Variants in SCRIB observed in about 807,000 individuals in gnomAD.
SCRIB encodes the protein scribble planar cell polarity protein, also known as protein scribble homolog.
SCRIB carries 72 observed loss-of-function variants against 170.0 expected under a neutral mutation model. That is an observed-to-expected ratio of 0.42 (90% confidence interval 0.35 to 0.52). The LOEUF is 0.52. Ranked by LOEUF, SCRIB falls within the 20% of genes least tolerant of loss-of-function variation. SCRIB has a pLI of 0.02. For missense variants in SCRIB, 2,475 were observed against 2,338.5 expected, an observed-to-expected ratio of 1.06 and a Z score of -1.20; for synonymous variants, 1,298 against 1,044.3, an observed-to-expected ratio of 1.24 and a Z score of -4.68.
In SCRIB at chr8:143,805,454, G is replaced by A. The variant is rs568328667; in HGVS notation, c.2347-19C>T. The A allele has an allele frequency of 2.9e-5, 42 of 1,464,476 alleles. No homozygotes were observed. The highest frequency in any genetic ancestry group is 1.8e-4 in the Middle Eastern group (1 of 5,656). 90.7% of individuals were successfully genotyped at this position (1,464,476 alleles called of 1,614,324 possible). On this transcript the variant is annotated intron_variant, in intron 18 of 36. Transcript: ENST00000356994. ...CATTCACCTGCGGGCCAGGGACCAC[G>A]TGCGTATTCAGGACCCAGTGCCGCC...
intron 13 of SCRIB, 109 bp from the exon 14 acceptor site, chr8:143,809,827 C>A: frequency 7.8e-7 from 1 of 1,288,716 alleles, no homozygotes; most frequent in Non-Finnish European, 1.1e-6. Context: ...GCTGCCCCGA[C>A]CAGGCACCGT....
rs782621726 is a variant in SCRIB, at chr8:143,792,052, GGGCCCCCGCGTGCCCC to G, written c.4580_4595del (p.Arg1527ProfsTer67). Reference sequence around the variant, plus strand: ...AAGGGGCCTCGGCCAGTCGCTCCAGGGGCCCCCGCGTGCCCCGGCCTTCCTGGGACCTGCTGAGGAC... The same window carrying G: ...AAGGGGCCTCGGCCAGTCGCTCCAGGGGCCTTCCTGGGACCTGCTGAGGAC... On this transcript the variant is annotated frameshift_variant, in exon 33 of 37. Coordinates refer to ENST00000356994, the MANE Select transcript of SCRIB (RefSeq NM_182706.5). LOFTEE classifies it high-confidence loss of function. 1 of 1,586,232 alleles carries G rather than the reference GGGCCCCCGCGTGCCCC, an allele frequency of 6.3e-7. No individual in the cohort carries two copies. The highest frequency in any genetic ancestry group is 8.5e-7 in the Non-Finnish European group (1 of 1,171,090).
Position 143,803,736 on chromosome 8 carries a change from C to G in SCRIB, c.3325G>C (p.Glu1109Gln). Residue 1109 changes from glutamate to glutamine, a missense_variant, in exon 23 of 37, where the codon GAG (glutamate) becomes CAG (glutamine). Transcript: ENST00000356994. ...RELCIQKAPG[E>Q]RLGISIRGGA... is the part of the protein sequence containing the mutation. ...CCGCGGATGCTGATGCCCAGCCTCTCCCCAGGTGCCTTCTGGATGCACAGT... is the reference window on the plus strand; with the variant it reads ...CCGCGGATGCTGATGCCCAGCCTCTGCCCAGGTGCCTTCTGGATGCACAGT... 1.9e-6 allele frequency: 3 copies of G among 1,598,382 alleles called. No homozygotes were observed. The highest frequency in any genetic ancestry group is 1.7e-6 in the Non-Finnish European group (2 of 1,178,158).
intron 24 of SCRIB, among the ~76,000 whole-genome samples, chr8:143,801,504 T>C (rs1815169502): frequency 6.6e-6 from 1 of 152,250 alleles, no homozygotes; most frequent in Admixed American, 6.5e-5. Flanking sequence ...GAAGACTTAA[T>C]TTAAAAATTT....
Position 143,791,468 on chromosome 8 carries a change from C to T in SCRIB, c.4771-28G>A, listed in dbSNP as rs371196827. 5.0e-5 allele frequency: 80 copies of T among 1,606,036 alleles called. No homozygotes were observed. In the African/African-American group the frequency reaches 6.3e-4, roughly 13 times the overall value. ...GTGATGGGGAGAGTGTTGGTCAGGCCGGTGCCAGCCCTGCCCCAAACCACC... is the reference window on the plus strand; with the variant it reads ...GTGATGGGGAGAGTGTTGGTCAGGCTGGTGCCAGCCCTGCCCCAAACCACC... On this transcript the variant is annotated intron_variant, in intron 35 of 36. Coordinates refer to ENST00000356994, the MANE Select transcript of SCRIB (RefSeq NM_182706.5).
chr8:143,807,488 G>T, intron 16 of SCRIB, 64 bp downstream of exon 16: 3 of 1,333,836 alleles, frequency 2.2e-6, no homozygotes, highest in Non-Finnish European at 2.2e-6. Context: ...AGAGGCGTGA[G>T]CCCACAGCCC....
rs766839903 is a variant in SCRIB at position 143,810,463 on chromosome 8, G to A, written c.1530+16C>T. The A allele has an allele frequency of 1.1e-5, 18 of 1,602,916 alleles. No homozygotes were observed. The highest frequency in any genetic ancestry group is 8.8e-5 in the South Asian group (8 of 90,936). ...CGGGTCAGCGGCCCGCCAGGTTGCC[G>A]TGGCTCCATGCCCACCTCCTCTGCA... On this transcript the variant is annotated intron_variant, in intron 13 of 36. Coordinates refer to ENST00000356994, the MANE Select transcript of SCRIB (RefSeq NM_182706.5).
rs1199671260 is a variant in SCRIB at position 143,804,559 on chromosome 8, G to T, written c.3009+9C>A. On this transcript the variant is annotated intron_variant, in intron 21 of 36. Transcript: ENST00000356994. ...TGGGTGGGTGCCTGGGTGGGGGCTT[G>T]TGTCTCACCTCCACTGGGTATGGCC... 2 of 1,493,104 alleles carry T rather than the reference G, an allele frequency of 1.3e-6. No homozygotes were observed. The highest frequency in any genetic ancestry group is 2.8e-5 in the African/African-American group (2 of 71,458). The allele number at this position is 1,493,104 out of a possible 1,614,324, so 92.5% of individuals were successfully genotyped here. A position where few individuals can be genotyped will look rare whatever the true frequency, so the allele number is the denominator to read the frequency against.
Position 143,813,340 on chromosome 8 carries a change from C to G in SCRIB, c.538G>C (p.Asp180His). 1 of 1,613,628 alleles carries G rather than the reference C, an allele frequency of 6.2e-7. No individual in the cohort carries two copies. Among genetic ancestry groups the G allele is most frequent in the Non-Finnish European group, 8.5e-7 (1 of 1,180,032 alleles). ...LSFLVKLEQL[D>H]LGGNDLEVLP... is the part of the protein sequence containing the mutation. ...ACTTCCAGATCGTTGCCTCCCAGAT[C>G]CAGCTGTTCCAGCTTGACCAGAAAT... Residue 180 changes from aspartate to histidine, a missense_variant, in exon 6 of 37, where the codon GAT (aspartate) becomes CAT (histidine). Asp to His is a moderately conservative substitution (Grantham distance 81). This residue lies in a region of SCRIB where 487 missense variants were observed against 558.1 expected (regional missense o/e 0.87). Coordinates refer to ENST00000356994, the MANE Select transcript of SCRIB (RefSeq NM_182706.5).
rs1815851775 is a variant in SCRIB, at chr8:143,813,457, C to G, written c.503+13G>C. The G allele has an allele frequency of 6.2e-7, 1 of 1,613,172 alleles. No individual in the cohort carries two copies. The highest frequency in any genetic ancestry group is 1.1e-5 in the South Asian group (1 of 91,090). ...CCTGCCCTGGCTGTTAGGAGAATGC[C>G]TGTCACACTCACGCTGGCAGGGACT... On this transcript the variant is annotated intron_variant, in intron 5 of 36. Transcript: ENST00000356994.
chr8:143,809,136 CAA>C (rs911726590), intron 14 of SCRIB, 111 bp from the exon 15 acceptor site: 10 of 1,396,324 alleles, frequency 7.2e-6, no homozygotes, highest in African/African-American at 1.4e-5. Context: ...CCCCGCCACA[CAA>C]AGACTCAGCA....
At chr8:143,810,850 C>T (rs372039343) in intron 11 of SCRIB, 34 bp from the exon 12 acceptor site, 1,220 of 1,606,088 alleles carry the variant, frequency 7.6e-4, no homozygotes, top group Non-Finnish European at 9.7e-4. Flanking sequence ...CCAGGCTAGT[C>T]CCCAAACCCT....
rs1815273094 is a variant in SCRIB at position 143,803,659 on chromosome 8, G to A, written c.3402C>T (p.Ile1134=). 5 of 1,559,426 alleles carry A rather than the reference G, an allele frequency of 3.2e-6. No homozygotes were observed. The highest frequency in any genetic ancestry group is 4.3e-6 in the Non-Finnish European group (5 of 1,157,986). ...GNPRDPTDEG[I]FISKVSPTGA... ...GGGGGGGGCTCACCTTGGAGATGAA[G>A]ATGCCCTCGTCTGTGGGGTCGCGGG... The change falls in exon 23 of 37, where the codon ATC becomes ATT. Residue 1134 remains isoleucine (I), a synonymous_variant. Transcript: ENST00000356994.
In SCRIB at chr8:143,805,319, G is replaced by A. The variant is rs782348490; in HGVS notation, c.2463C>T (p.Asn821=). 7.1e-6 allele frequency: 11 copies of A among 1,545,094 alleles called. No homozygotes were observed. The Admixed American group carries it at 7.6e-5, about 11-fold the overall frequency. Residue 821 remains asparagine (N), a synonymous_variant, in exon 19 of 37, where the codon AAC becomes AAT. Transcript: ENST00000356994. ...GCCGCAGCGGCGTGATGGTGACCGC[G>A]TTCTCAGGCTCCACCATGCGCTCCC... The part of the protein sequence containing the change: ...VWRERMVEPE[N]AVTITPLRPE...
chr8:143,808,195 G>T (rs572421756), intron 15 of SCRIB, among the ~76,000 whole-genome samples: 1 of 152,244 alleles, frequency 6.6e-6, no homozygotes, highest in Non-Finnish European at 1.5e-5. Flanking sequence ...AGGCCCTGGA[G>T]ACCCACAAAG....
rs1401447201 is a variant in SCRIB at position 143,813,850 on chromosome 8, C to T, written c.324G>A (p.Glu108=). Residue 108 remains glutamate, a synonymous_variant, in exon 3 of 37, where the codon GAG becomes GAA. Coordinates refer to ENST00000356994, the MANE Select transcript of SCRIB (RefSeq NM_182706.5). ...PESIKFCKAL[E]IADFSGNPLS... Reference sequence around the variant, plus strand: ...GGGGGTTCCCGCTGAAGTCCGCGATCTCCAGAGCCTTGCAGAACTTGATGC... The same window carrying T: ...GGGGGTTCCCGCTGAAGTCCGCGATTTCCAGAGCCTTGCAGAACTTGATGC... 6.2e-7 allele frequency: 1 copy of T among 1,610,236 alleles called. No individual in the cohort carries two copies. Among genetic ancestry groups the T allele is most frequent in the African/African-American group, 1.3e-5 (1 of 74,920 alleles).
intron 24 of SCRIB, among the ~76,000 whole-genome samples, chr8:143,796,852 A>C (rs1375695811): frequency 6.6e-6 from 1 of 152,198 alleles, no homozygotes; most frequent in Non-Finnish European, 1.5e-5. Flanking sequence ...CCGGCCTCTC[A>C]TGTCAGAGAG....
intron 24 of SCRIB, among the ~76,000 whole-genome samples, chr8:143,798,484 T>C (rs899477557): frequency 2.0e-5 from 3 of 152,162 alleles, no homozygotes; most frequent in Non-Finnish European, 2.9e-5. Flanking sequence ...GTCACTGTTT[T>C]TGTTTTTTAG....
chr8:143,805,353 C>T lies in SCRIB; in HGVS notation c.2429G>A (p.Arg810Gln), dbSNP rs1039294225. 2.2e-5 allele frequency: 34 copies of T among 1,551,418 alleles called. No homozygotes were observed. The highest frequency in any genetic ancestry group is 5.5e-5 in the Admixed American group (3 of 54,204). Reference protein sequence around the residue: ...LRGAGTAVQMRVWRERMVEPE... With the variant: ...LRGAGTAVQMQVWRERMVEPE... ...CTCCACCATGCGCTCCCGCCACACTCGCATCTGCACGGCAGTGCCGGCCCC... is the reference window on the plus strand; with the variant it reads ...CTCCACCATGCGCTCCCGCCACACTTGCATCTGCACGGCAGTGCCGGCCCC... The change falls in exon 19 of 37, where the codon CGA becomes CAA. Residue 810 changes from arginine (R) to glutamine (Q), a missense_variant. Transcript: ENST00000356994.
Sources: allele counts gnomAD v4.1 joint callset (sites outside exome capture counted in the v4.1 genomes callset), GRCh38; gene constraint gnomAD v4.1.1; regional missense constraint gnomAD v4.1.1; transcripts MANE v1.5; gene names NCBI Gene and HGNC (gene_info 2026-07-23, HGNC 2026-07-21).